Variants in CHST11 observed in about 807,000 individuals in gnomAD.
CHST11 encodes carbohydrate sulfotransferase 11.
A neutral mutation model predicts 30.4 loss-of-function variants in CHST11; 9 were observed. That is an observed-to-expected ratio of 0.30 (90% CI 0.18 to 0.52). The LOEUF (loss-of-function observed/expected upper bound fraction) is 0.52. Ranked by LOEUF, CHST11 falls within the 20% of genes least tolerant of loss-of-function variation. The pLI is 0.97. For missense variants in CHST11, 348 were observed against 460.6 expected (o/e 0.76, Z 2.24); for synonymous variants, 152 against 187.8 (o/e 0.81, Z 1.56).
intron 2 of CHST11, among the ~76,000 whole-genome samples, chr12:104,721,492 G>A (rs1389194523): frequency 6.6e-6 from 1 of 152,204 alleles, no homozygotes; most frequent in Non-Finnish European, 1.5e-5. Flanking sequence ...AAATAGGAAT[G>A]CTAATGGTAT....
At chr12:104,465,305 A>G (rs1186773405) in intron 1 of CHST11, among the ~76,000 whole-genome samples, 3 of 152,204 alleles carry the variant, frequency 2.0e-5, no homozygotes, top group African/African-American at 7.2e-5. Context: ...TTCAGAGCCC[A>G]GGGCTTGTAG....
At chr12:104,566,830 T>C (rs2038572205) in intron 1 of CHST11, among the ~76,000 whole-genome samples, 2 of 152,096 alleles carry the variant, frequency 1.3e-5, no homozygotes, top group South Asian at 4.1e-4. Context: ...CCTTTCTCTG[T>C]GCTGAACCTG....
chr12:104,602,078 G>A (rs2038962042), intron 2 of CHST11, 87 bp downstream of exon 2: 4 of 942,962 alleles, frequency 4.2e-6, no homozygotes, highest in Admixed American at 2.2e-5. Context: ...GTCTTTGGGG[G>A]ATTTAAAACT....
intron 1 of CHST11, among the ~76,000 whole-genome samples, chr12:104,515,535 T>C (rs2038014109): frequency 1.3e-5 from 2 of 152,240 alleles, no homozygotes; most frequent in African/African-American, 2.4e-5. Flanking sequence ...ATTCATTGTT[T>C]CACCAAATAT....
chr12:104,656,122 G>C (rs1385978792), intron 2 of CHST11, among the ~76,000 whole-genome samples: 1 of 152,212 alleles, frequency 6.6e-6, no homozygotes, highest in African/African-American at 2.4e-5. Flanking sequence ...TCTTTGCGTA[G>C]AACTATGTCA....
intron 1 of CHST11, among the ~76,000 whole-genome samples, chr12:104,517,028 CT>C (rs75134204): frequency 0.023 from 3,555 of 152,244 alleles, 137 homozygotes; most frequent in East Asian, 0.17. Flanking sequence ...CATGCATTCT[CT>C]TTCCCCCCTT....
chr12:104,514,392 G>A (rs1276365420), intron 1 of CHST11: 23 of 923,980 alleles, frequency 2.5e-5, no homozygotes, highest in Non-Finnish European at 3.8e-5. Flanking sequence ...TGAGGTCATG[G>A]GGCTCTTCTG....
chr12:104,509,339 C>A (rs1338302935), intron 1 of CHST11, among the ~76,000 whole-genome samples: 1 of 152,154 alleles, frequency 6.6e-6, no homozygotes, highest in Non-Finnish European at 1.5e-5. Flanking sequence ...AAATCTCTTT[C>A]TTTTGTAAAT....
intron 2 of CHST11, among the ~76,000 whole-genome samples, chr12:104,628,884 G>C (rs1387050471): frequency 6.6e-6 from 1 of 152,128 alleles, no homozygotes; most frequent in African/African-American, 2.4e-5. Context: ...TTTATTTATT[G>C]CTGTCTTCCT....
intron 2 of CHST11, among the ~76,000 whole-genome samples, chr12:104,731,625 C>T (rs993560419): frequency 2.6e-5 from 4 of 152,102 alleles, no homozygotes; most frequent in South Asian, 2.1e-4. Flanking sequence ...GACTCGGGAC[C>T]ACGGACTCAG....
intron 2 of CHST11, among the ~76,000 whole-genome samples, chr12:104,626,517 A>C (rs1353741043): frequency 1.3e-5 from 2 of 149,622 alleles, no homozygotes; most frequent in East Asian, 4.0e-4. Flanking sequence ...CATGTGTGAG[A>C]GAGGGTTCTG....
At chr12:104,665,764 T>G (rs1447326045) in intron 2 of CHST11, among the ~76,000 whole-genome samples, 4 of 92,056 alleles carry the variant, frequency 4.3e-5, no homozygotes, top group Non-Finnish European at 6.1e-5. Flanking sequence ...GGGTGGGGGG[T>G]GGGGGTCTTT....
intron 2 of CHST11, among the ~76,000 whole-genome samples, chr12:104,651,911 T>C (rs2039493347): frequency 6.6e-6 from 1 of 152,240 alleles, no homozygotes; most frequent in African/African-American, 2.4e-5. Flanking sequence ...GTTCTCCAAC[T>C]GCACCTCATC....
chr12:104,526,081 C>T (rs2038122704), intron 1 of CHST11, among the ~76,000 whole-genome samples: 1 of 152,066 alleles, frequency 6.6e-6, no homozygotes, highest in Non-Finnish European at 1.5e-5. Flanking sequence ...AAATTAATTT[C>T]AACAAATCAG....
intron 2 of CHST11, among the ~76,000 whole-genome samples, chr12:104,751,582 T>C (rs1387364124): frequency 6.6e-6 from 1 of 152,240 alleles, no homozygotes; most frequent in Non-Finnish European, 1.5e-5. Flanking sequence ...GAAATTTGTC[T>C]TTGAGATTCC....
chr12:104,543,598 G>A (rs1161703601), intron 1 of CHST11, among the ~76,000 whole-genome samples: 1 of 152,140 alleles, frequency 6.6e-6, no homozygotes, highest in Non-Finnish European at 1.5e-5. Context: ...TCTTACAGGA[G>A]TCCAGGAGTA....
intron 2 of CHST11, among the ~76,000 whole-genome samples, chr12:104,672,526 A>C (rs1004163881): frequency 2.0e-5 from 3 of 152,252 alleles, no homozygotes; most frequent in African/African-American, 4.8e-5. Flanking sequence ...TTCCACGAGC[A>C]GGTGTTTCTG....
intron 1 of CHST11, among the ~76,000 whole-genome samples, chr12:104,577,361 T>C (rs183590641): frequency 1.3e-5 from 2 of 151,748 alleles, no homozygotes; most frequent in African/African-American, 2.4e-5. Flanking sequence ...TCACGTTGTG[T>C]TCATGCAGCC....
At chr12:104,582,733 A>C (rs1208937698) in intron 1 of CHST11, among the ~76,000 whole-genome samples, 4 of 151,970 alleles carry the variant, frequency 2.6e-5, no homozygotes, top group African/African-American at 9.7e-5. Context: ...GATAGAAATA[A>C]TACATCTCGG....
Sources: allele counts gnomAD v4.1 joint callset (sites outside exome capture counted in the v4.1 genomes callset), GRCh38; gene constraint gnomAD v4.1.1; transcripts MANE v1.5; gene names NCBI Gene and HGNC (gene_info 2026-07-23, HGNC 2026-07-21).